Variants in WNK2 observed in about 807,000 individuals in gnomAD.
The protein encoded by WNK2 is WNK lysine deficient protein kinase 2.
WNK2 carries 67 observed loss-of-function variants against 192.1 expected under a neutral mutation model. That is an observed-to-expected ratio of 0.35 (90% confidence interval 0.29 to 0.43). The LOEUF is 0.43. WNK2 is among the 20% of genes least tolerant of loss of function. WNK2 has a pLI of 1.00. For missense variants in WNK2, 2,698 were observed against 3,089.7 expected (o/e 0.87, Z 3.01); for synonymous variants, 1,439 against 1,393.9 (o/e 1.03, Z -0.72).
rs367861642 is a variant in WNK2, at chr9:93,239,852, C to T, written c.1418C>T (p.Thr473Ile). The change falls in exon 7 of 30, where the codon ACC (threonine) becomes ATC (isoleucine). Residue 473 changes from threonine to isoleucine, a missense_variant. Thr to Ile is a moderately conservative substitution (Grantham distance 89, BLOSUM62 -1). Coordinates refer to ENST00000427277, the MANE Select transcript of WNK2 (RefSeq NM_006648.4). The surrounding 1 kb of genome is among the most constrained non-coding windows in gnomAD (Gnocchi z 4.2). ...LAEEDHGRKS[T>I]IALRLWVEDP... is the part of the protein sequence containing the mutation. ...GAGGAGGACCACGGCAGGAAGTCCACCATCGCCCTGAGGCTCTGGGTGGAA... is the reference window on the plus strand; with the variant it reads ...GAGGAGGACCACGGCAGGAAGTCCATCATCGCCCTGAGGCTCTGGGTGGAA... 19 of 1,600,110 alleles carry T rather than the reference C, an allele frequency of 1.2e-5. No homozygotes were observed. The highest frequency in any genetic ancestry group is 1.4e-5 in the Non-Finnish European group (16 of 1,173,848).
chr9:93,220,849 C>G (rs149843672), intron 2 of WNK2, among the ~76,000 whole-genome samples: 2 of 152,186 alleles, frequency 1.3e-5, no homozygotes, highest in Non-Finnish European at 2.9e-5. Flanking sequence ...GTCAGCTGCA[C>G]CCTGTCATGG....
At chr9:93,210,194 C>T (rs756246636) in intron 2 of WNK2, among the ~76,000 whole-genome samples, 5 of 152,056 alleles carry the variant, frequency 3.3e-5, no homozygotes, top group Admixed American at 2.0e-4. Context: ...AGTAAGCGTT[C>T]CCACCCCAGG....
chr9:93,292,636 G>C lies in WNK2; in HGVS notation c.5171G>C (p.Arg1724Pro). The change falls in exon 23 of 30, where the codon CGA (arginine) becomes CCA (proline). Residue 1724 changes from arginine (R) to proline (P), a missense_variant. Around this residue, in one of 7 missense-constraint regions of WNK2, gnomAD observed 1,098 missense variants for 1,101.0 expected, o/e 1.00. Coordinates refer to ENST00000427277, the MANE Select transcript of WNK2 (RefSeq NM_006648.4). The stretch of plus-strand genomic sequence containing the variant: ...AGCCACCCCCAGACACTCGGCGCTC[G>C]AGCTTTGGGGTCCCCTCGGAAACGT... ...QASHPQTLGA[R>P]ALGSPRKRPE... 6.3e-7 allele frequency: 1 copy of C among 1,583,252 alleles called. No homozygotes were observed. Among genetic ancestry groups the C allele is most frequent in the Non-Finnish European group, 8.6e-7 (1 of 1,165,356 alleles).
chr9:93,245,603 C>A (rs1235361219), intron 7 of WNK2, among the ~76,000 whole-genome samples: 1 of 152,248 alleles, frequency 6.6e-6, no homozygotes, highest in African/African-American at 2.4e-5. Context: ...GCTCCTCTCA[C>A]CTTTTGCAAC....
At chr9:93,320,293 G>A in intron 29 of WNK2, 74 bp from the exon 30 acceptor site, 1 of 1,362,342 alleles carries the variant, frequency 7.3e-7, no homozygotes, top group Admixed American at 1.9e-5. Context: ...CTGGGAGGGT[G>A]TCAGGGCCTG....
chr9:93,189,051 C>A (rs1055264810), intron 2 of WNK2, among the ~76,000 whole-genome samples: 1 of 152,140 alleles, frequency 6.6e-6, no homozygotes, highest in South Asian at 2.1e-4. Context: ...TTTGAGCTGG[C>A]GACAGGTCCC....
intron 10 of WNK2, 179 bp from the exon 11 acceptor site, chr9:93,256,769 T>A: frequency 1.4e-6 from 1 of 700,464 alleles, no homozygotes; most frequent in South Asian, 1.9e-5. Context: ...TTTGGTGATC[T>A]GTGTGTCTGA....
chr9:93,316,237 A>C (rs1854640671), intron 28 of WNK2: 1 of 152,178 alleles, frequency 6.6e-6, no homozygotes, highest in Non-Finnish European at 1.5e-5. Flanking sequence ...TTCAGTGTTG[A>C]TCTTCTTCAA....
intron 29 of WNK2, chr9:93,318,104 G>A (rs760064305): frequency 3.8e-6 from 6 of 1,580,510 alleles, no homozygotes; most frequent in Non-Finnish European, 5.2e-6. Flanking sequence ...TCGTCACCCT[G>A]CAGAAGTACA....
intron 2 of WNK2, among the ~76,000 whole-genome samples, chr9:93,219,138 A>G (rs1487413569): frequency 6.6e-6 from 1 of 152,254 alleles, no homozygotes; most frequent in Non-Finnish European, 1.5e-5. Flanking sequence ...CATGGGTTCA[A>G]GCTCTCTTCC....
chr9:93,228,122 C>T (rs1588038892), intron 2 of WNK2, among the ~76,000 whole-genome samples: 3 of 152,154 alleles, frequency 2.0e-5, no homozygotes, highest in Non-Finnish European at 4.4e-5. Context: ...ACAATGGCTT[C>T]TCTGGGTATT....
chr9:93,278,535 C>T (rs938774824), intron 19 of WNK2, among the ~76,000 whole-genome samples: 11 of 152,208 alleles, frequency 7.2e-5, no homozygotes, highest in Non-Finnish European at 1.5e-4. Context: ...AGACTAAGTG[C>T]TTCTCTTACC....
chr9:93,277,829 A>G (rs1847172545), intron 19 of WNK2, among the ~76,000 whole-genome samples: 1 of 152,240 alleles, frequency 6.6e-6, no homozygotes, highest in African/African-American at 2.4e-5. Flanking sequence ...ATTTTACTGT[A>G]TGGTAAGTTT....
At chr9:93,292,054 C>T (rs1849442289) in intron 21 of WNK2, among the ~76,000 whole-genome samples, 1 of 152,206 alleles carries the variant, frequency 6.6e-6, no homozygotes, top group South Asian at 2.1e-4. Context: ...TCTTCTCTTG[C>T]CCGGGTTTAT....
At chr9:93,255,348 C>T (rs1180794494) in intron 9 of WNK2, among the ~76,000 whole-genome samples, 8 of 152,206 alleles carry the variant, frequency 5.3e-5, no homozygotes, top group African/African-American at 1.4e-4. Context: ...TTGCTCCAGG[C>T]TGCCAGGCCC....
Position 93,297,842 on chromosome 9 carries a change from C to T in WNK2, c.5709-11C>T. 6.4e-7 allele frequency: 1 copy of T among 1,567,280 alleles called. No individual in the cohort carries two copies. The highest frequency in any genetic ancestry group is 8.6e-7 in the Non-Finnish European group (1 of 1,157,674). ...AAGCCCATCGGCGCTCCCTCCTGTC[C>T]CCTCCTGCAGGCACCTGAAGGAGAT... On this transcript the variant is annotated splice_polypyrimidine_tract_variant and intron_variant, in intron 23 of 29. Transcript: ENST00000427277.
In WNK2 at chr9:93,287,434, G is replaced by A. The variant is rs559126581; in HGVS notation, c.4034-1354G>A. Among the ~76,000 whole-genome samples the A allele has an allele frequency of 4.6e-5, 7 of 152,298 alleles. 1 individual carries two copies. Among genetic ancestry groups the A allele is most frequent in the African/African-American group, 9.6e-5 (4 of 41,562 alleles). ...GTGAGTACCAACACAGAATGGATGC[G>A]TGCATCATGGTGCAGTTGTGCAAAC... On this transcript the variant is annotated intron_variant, in intron 19 of 29. Coordinates refer to ENST00000427277, the MANE Select transcript of WNK2 (RefSeq NM_006648.4).
chr9:93,312,988 C>A (rs928321174), intron 28 of WNK2, among the ~76,000 whole-genome samples: 5 of 152,154 alleles, frequency 3.3e-5, no homozygotes, highest in African/African-American at 1.2e-4. Flanking sequence ...GCCGGTGAAC[C>A]CCTCTAGTGA....
intron 19 of WNK2, 195 bp downstream of exon 19, chr9:93,268,941 C>A (rs116057316): frequency 0.02 from 30,803 of 1,552,734 alleles, 356 homozygotes; most frequent in Middle Eastern, 0.031. Flanking sequence ...TCAGTCAAAG[C>A]AGCCTCCAGG....
Sources: allele counts gnomAD v4.1 joint callset (sites outside exome capture counted in the v4.1 genomes callset), GRCh38; gene constraint gnomAD v4.1.1; regional missense constraint gnomAD v4.1.1; non-coding constraint Gnocchi (gnomAD v3.1); transcripts MANE v1.5; gene names NCBI Gene and HGNC (gene_info 2026-07-23, HGNC 2026-07-21).